C7orf33: variants seen among roughly 807,000 people sequenced by gnomAD.
C7orf33 encodes uncharacterized protein C7orf33.
In C7orf33, 15 loss-of-function variants were observed where a neutral mutation model predicts 13.4. The observed-to-expected ratio is 1.12, with a 90% CI of 0.75 to 1.72. The LOEUF (loss-of-function observed/expected upper bound fraction) is 1.72, where lower values mean the gene tolerates loss of function less well. C7orf33 is among the 40% of genes most tolerant of loss of function. The pLI is 0.00. For synonymous variants in C7orf33, 73 were observed against 83.2 expected (o/e 0.88, Z 0.67); for missense variants, 187 against 220.3 (o/e 0.85, Z 0.96).
At chr7:148,613,930 G>T in intron 1 of C7orf33, 112 bp from the exon 2 acceptor site, 1 of 1,126,766 alleles carries the variant, frequency 8.9e-7, no homozygotes, top group Non-Finnish European at 1.3e-6. Flanking sequence ...TATTTCATGT[G>T]TCTGACAGCT....
intron 1 of C7orf33, among the ~76,000 whole-genome samples, chr7:148,602,749 T>A (rs1004416379): frequency 6.6e-6 from 1 of 152,230 alleles, no homozygotes; most frequent in Non-Finnish European, 1.5e-5. Flanking sequence ...TATCCACTGA[T>A]GATGTAATTG....
chr7:148,604,135 T>C (rs74774800), intron 1 of C7orf33, among the ~76,000 whole-genome samples: 1 of 151,004 alleles, frequency 6.6e-6, no homozygotes, highest in East Asian at 1.9e-4. Context: ...TTTTTTTTTT[T>C]CCTTTTTTCG....
At chr7:148,598,751 TATATATATATATAGAGAGAGAGAGAG>T (rs1181047683) in intron 1 of C7orf33, among the ~76,000 whole-genome samples, 298 of 68,532 alleles carry the variant, frequency 4.3e-3, no homozygotes, top group African/African-American at 8.9e-3. Context: ...TATATATATA[TATATATATATATAGAGAGAGAGAGAG>T]AGAGAGAGAG....
chr7:148,615,654 G>T lies in C7orf33; in HGVS notation c.*253G>T, dbSNP rs1461161199. 8 of 388,504 alleles carry T rather than the reference G, an allele frequency of 2.1e-5. No homozygotes were observed. Among genetic ancestry groups the T allele is most frequent in the Non-Finnish European group, 3.4e-5 (7 of 207,584 alleles). The allele number at this position is 388,504 out of a possible 1,614,324, so 24.1% of individuals were successfully genotyped here. A position where few individuals can be genotyped will look rare whatever the true frequency, so the allele number is the denominator to read the frequency against. ...GTGTGGGGCCCAGGAGAGGACCACGGAGTGACAAGCCACCAGGTTCTAAAG... is the reference window on the plus strand; with the variant it reads ...GTGTGGGGCCCAGGAGAGGACCACGTAGTGACAAGCCACCAGGTTCTAAAG... On this transcript the variant is annotated 3_prime_UTR_variant, in exon 3 of 3. Coordinates refer to ENST00000307003, the MANE Select transcript of C7orf33 (RefSeq NM_145304.4).
intron 1 of C7orf33, among the ~76,000 whole-genome samples, chr7:148,598,116 C>T (rs1290611817): frequency 6.6e-6 from 1 of 152,120 alleles, no homozygotes; most frequent in Non-Finnish European, 1.5e-5. Context: ...TGTATTTTTG[C>T]GTGTTTTCAG....
At chr7:148,611,480 G>T (rs1216042811) in intron 1 of C7orf33, among the ~76,000 whole-genome samples, 1 of 152,158 alleles carries the variant, frequency 6.6e-6, no homozygotes, top group Admixed American at 6.5e-5. Context: ...GTTGGAGAAG[G>T]GTCCGGCTGC....
chr7:148,597,177 TATATATATACAC>T (rs1400810901), intron 1 of C7orf33, among the ~76,000 whole-genome samples: 1 of 151,664 alleles, frequency 6.6e-6, no homozygotes, highest in Non-Finnish European at 1.5e-5. Flanking sequence ...TGGATACATA[TATATATATACAC>T]ATATATATAA....
Position 148,590,865 on chromosome 7 carries a change from A to G in C7orf33, c.-61A>G. ...GGATCCGTGCGACTTGATCTTAGATATTGGTGGTGAAGCGCCGCTCTCCTT... is the reference window on the plus strand; with the variant it reads ...GGATCCGTGCGACTTGATCTTAGATGTTGGTGGTGAAGCGCCGCTCTCCTT... On this transcript the variant is annotated 5_prime_UTR_variant, in exon 1 of 3. The change creates a new upstream start codon in the 5' untranslated region. Coordinates refer to ENST00000307003, the MANE Select transcript of C7orf33 (RefSeq NM_145304.4). The G allele has an allele frequency of 6.9e-7, 1 of 1,458,600 alleles. No individual in the cohort carries two copies. Among genetic ancestry groups the G allele is most frequent in the Non-Finnish European group, 9.6e-7 (1 of 1,040,844 alleles). 90.4% of individuals were successfully genotyped at this position (1,458,600 alleles called of 1,614,324 possible).
intron 1 of C7orf33, among the ~76,000 whole-genome samples, chr7:148,594,011 C>T (rs1170625386): frequency 1.3e-5 from 2 of 151,884 alleles, no homozygotes; most frequent in African/African-American, 2.4e-5. Flanking sequence ...GTGTGTGGCA[C>T]CTTCTCTTGC....
rs192228622 is a variant in C7orf33, at chr7:148,608,166, C to T, written c.205-5876C>T. Among the ~76,000 whole-genome samples, 113 of 152,322 alleles carry T rather than the reference C, an allele frequency of 7.4e-4. 2 individuals are homozygous for T. Among genetic ancestry groups the T allele is most frequent in the Non-Finnish European group, 1.1e-3 (74 of 68,022 alleles). ...GCCCCAGGCTGGGTGCTGTGGCTTA[C>T]GCCTGTATTCCCAGCACTTTTGGGA... On this transcript the variant is annotated intron_variant, in intron 1 of 2. Coordinates refer to ENST00000307003, the MANE Select transcript of C7orf33 (RefSeq NM_145304.4).
chr7:148,596,015 T>C (rs1229723721), intron 1 of C7orf33, among the ~76,000 whole-genome samples: 1 of 152,062 alleles, frequency 6.6e-6, no homozygotes, highest in Non-Finnish European at 1.5e-5. Flanking sequence ...AATTTTTTTT[T>C]CAAATATATT....
intron 1 of C7orf33, among the ~76,000 whole-genome samples, chr7:148,597,611 A>G (rs533413633): frequency 6.6e-6 from 1 of 152,218 alleles, no homozygotes; most frequent in African/African-American, 2.4e-5. Context: ...AAAGTCATCA[A>G]ATAACATAAC....
chr7:148,607,326 A>G (rs995134230), intron 1 of C7orf33, among the ~76,000 whole-genome samples: 1 of 152,128 alleles, frequency 6.6e-6, no homozygotes, highest in African/African-American at 2.4e-5. Context: ...CAGGGGCAGG[A>G]TGTCTTTTAT....
chr7:148,590,838 G>C lies in C7orf33; in HGVS notation c.-88G>C. 3 of 1,223,606 alleles carry C rather than the reference G, an allele frequency of 2.5e-6. No individual in the cohort carries two copies. The highest frequency in any genetic ancestry group is 2.4e-6 in the Non-Finnish European group (2 of 837,736). The allele number at this position is 1,223,606 out of a possible 1,614,324, so 75.8% of individuals were successfully genotyped here. A position where few individuals can be genotyped will look rare whatever the true frequency, so the allele number is the denominator to read the frequency against. On this transcript the variant is annotated 5_prime_UTR_variant, in exon 1 of 3. Coordinates refer to ENST00000307003, the MANE Select transcript of C7orf33 (RefSeq NM_145304.4). ...GTGTCTGAATCCTCCTACTGACCCT[G>C]GGGATCCGTGCGACTTGATCTTAGA...
chr7:148,590,963 G>A lies in C7orf33; in HGVS notation c.38G>A (p.Cys13Tyr). 6.2e-7 allele frequency: 1 copy of A among 1,614,204 alleles called. No individual in the cohort carries two copies. Among genetic ancestry groups the A allele is most frequent in the Non-Finnish European group, 8.5e-7 (1 of 1,180,044 alleles). Residue 13 changes from cysteine to tyrosine, a missense_variant, in exon 1 of 3, where the codon TGT becomes TAT. By Grantham distance (194) the Cys-to-Tyr change is radical (BLOSUM62 -2). Coordinates refer to ENST00000307003, the MANE Select transcript of C7orf33 (RefSeq NM_145304.4). ...VEVQSLSLEE[C>Y]PWRLPGPQCE... ...GTTCAAAGCCTCAGCCTTGAAGAGT[G>A]TCCCTGGAGACTTCCAGGCCCCCAA...
chr7:148,592,946 T>C (rs1241762815), intron 1 of C7orf33, among the ~76,000 whole-genome samples: 3 of 152,196 alleles, frequency 2.0e-5, no homozygotes, highest in African/African-American at 7.2e-5. Flanking sequence ...GTTCTAATGA[T>C]TCTCCTGCCT....
At chr7:148,594,467 C>T (rs750089157) in intron 1 of C7orf33, among the ~76,000 whole-genome samples, 16 of 152,088 alleles carry the variant, frequency 1.1e-4, no homozygotes, top group Non-Finnish European at 2.1e-4. Context: ...TGAACCACCG[C>T]GCCCGACCAA....
At chr7:148,613,598 A>G (rs1020205842) in intron 1 of C7orf33, among the ~76,000 whole-genome samples, 2 of 152,246 alleles carry the variant, frequency 1.3e-5, no homozygotes, top group African/African-American at 2.4e-5. Context: ...TTTATGTGAA[A>G]TGTCCAGATT....
At chr7:148,591,183 C>T (rs1796265318) in intron 1 of C7orf33, 54 bp downstream of exon 1, 10 of 1,405,392 alleles carry the variant, frequency 7.1e-6, no homozygotes, top group Non-Finnish European at 9.1e-6. Context: ...GTCAGTATCT[C>T]TTGAGAATTC....
Sources: gnomAD v4.1 joint callset for allele counts (sites outside exome capture counted in the v4.1 genomes callset) on GRCh38, gnomAD v4.1.1 for gene constraint, MANE v1.5 for transcripts, NCBI Gene and HGNC (gene_info 2026-07-23, HGNC 2026-07-21) for gene names.